The following FAT3 variants were observed in gnomAD, a reference collection of about 807,000 sequenced individuals.
FAT3 encodes the protein FAT atypical cadherin 3.
A neutral mutation model predicts 310.2 loss-of-function variants in FAT3; 95 were observed. The observed-to-expected ratio is 0.31, with a 90% CI of 0.26 to 0.36. The LOEUF (loss-of-function observed/expected upper bound fraction) is 0.36, where lower values mean the gene tolerates loss of function less well. Among genes scored for constraint, FAT3 ranks in the 10% least tolerant of loss-of-function variants. FAT3 has a pLI of 1.00. For missense variants in FAT3, 5,408 were observed against 5,715.6 expected (o/e 0.95, Z 1.74); for synonymous variants, 2,314 against 2,192.9 (o/e 1.06, Z -1.54).
chr11:92,414,904 G>A (rs995483829), intron 2 of FAT3, among the ~76,000 whole-genome samples: 2 of 151,958 alleles, frequency 1.3e-5, no homozygotes, highest in Non-Finnish European at 2.9e-5. Flanking sequence ...CAGCTACTCC[G>A]GAGGCTGAGG....
chr11:92,419,151 G>T (rs1950485071), intron 2 of FAT3, among the ~76,000 whole-genome samples: 3 of 152,188 alleles, frequency 2.0e-5, no homozygotes, highest in Admixed American at 6.5e-5. Flanking sequence ...TCATTTATTA[G>T]TGCTCCTTTG....
chr11:92,483,965 A>G (rs1952304428), intron 2 of FAT3, among the ~76,000 whole-genome samples: 1 of 152,218 alleles, frequency 6.6e-6, no homozygotes, highest in Non-Finnish European at 1.5e-5. Flanking sequence ...ACTAGTTATT[A>G]TGATTGTGGT....
intron 2 of FAT3, among the ~76,000 whole-genome samples, chr11:92,510,858 G>C (rs928647167): frequency 6.6e-6 from 1 of 152,234 alleles, no homozygotes; most frequent in Non-Finnish European, 1.5e-5. Context: ...CAACAACTGT[G>C]TTGTGGGTTT....
chr11:92,583,604 T>C (rs948342460), intron 3 of FAT3, among the ~76,000 whole-genome samples: 2 of 151,902 alleles, frequency 1.3e-5, no homozygotes, highest in Non-Finnish European at 2.9e-5. Context: ...TTGCCAATAG[T>C]TCTCTTGATG....
Position 92,831,849 on chromosome 11 carries a change from G to A in FAT3, c.9709G>A (p.Glu3237Lys). The A allele has an allele frequency of 3.1e-6, 5 of 1,613,714 alleles. No individual in the cohort carries two copies. The highest frequency in any genetic ancestry group is 4.2e-6 in the Non-Finnish European group (5 of 1,179,806). Residue 3237 changes from glutamate to lysine, a missense_variant, in exon 14 of 28, where the codon GAG becomes AAG. Glu to Lys is a moderately conservative substitution (Grantham distance 56). Transcript: ENST00000525166. ...CATTAATGACAACCCCCCTGTGTTT[G>A]AGAGGAGGGACTACCTGGTGACGGT... ...LDINDNPPVF[E>K]RRDYLVTVPE...
At chr11:92,556,290 C>T (rs1955014559) in intron 3 of FAT3, among the ~76,000 whole-genome samples, 1 of 152,142 alleles carries the variant, frequency 6.6e-6, no homozygotes, top group South Asian at 2.1e-4. Context: ...CTACCAGACT[C>T]CTGGATGTTT....
chr11:92,343,262 TG>T (rs1948316537), intron 1 of FAT3, among the ~76,000 whole-genome samples: 1 of 152,118 alleles, frequency 6.6e-6, no homozygotes, highest in Admixed American at 6.5e-5. Flanking sequence ...TGAAAAAGGT[TG>T]GGTTTTGGTC....
At chr11:92,766,582 C>T (rs1946318556) in intron 6 of FAT3, 1 of 152,244 alleles carries the variant, frequency 6.6e-6, no homozygotes, top group African/African-American at 2.4e-5. Context: ...CTACGTGTTT[C>T]ATTTGATGAA....
chr11:92,859,902 CAATAAT>C, intron 21 of FAT3, among the ~76,000 whole-genome samples: 1 of 152,186 alleles, frequency 6.6e-6, no homozygotes, highest in East Asian at 1.9e-4. Flanking sequence ...GTGAAAACAA[CAATAAT>C]AATGGTAATG....
At chr11:92,645,795 T>A (rs1363266657) in intron 3 of FAT3, among the ~76,000 whole-genome samples, 2 of 152,256 alleles carry the variant, frequency 1.3e-5, no homozygotes, top group Non-Finnish European at 2.9e-5. Context: ...TCATGTTCAT[T>A]CTTTGTCTCC....
At chr11:92,736,391 C>A (rs906283044) in intron 4 of FAT3, among the ~76,000 whole-genome samples, 3 of 152,138 alleles carry the variant, frequency 2.0e-5, no homozygotes, top group South Asian at 2.1e-4. Context: ...CCTCAGACCA[C>A]GAACCATGTT....
At chr11:92,575,932 T>G (rs1372884998) in intron 3 of FAT3, among the ~76,000 whole-genome samples, 1 of 152,196 alleles carries the variant, frequency 6.6e-6, no homozygotes, top group African/African-American at 2.4e-5. Flanking sequence ...CCTTTTAAGT[T>G]GTATTCAAAT....
At chr11:92,266,390 G>A (rs934593451) in intron 1 of FAT3, among the ~76,000 whole-genome samples, 4 of 152,258 alleles carry the variant, frequency 2.6e-5, no homozygotes, top group East Asian at 1.9e-4. Flanking sequence ...TGTTTGACAC[G>A]TACAAATCCT....
rs751665932 is a variant in FAT3, at chr11:92,801,012, A to G, written c.7999A>G (p.Asn2667Asp). ...CTGGATGGTCACAAAGGGTAATTTTAACCAGCTGAAAAATACAGTGCTTTC... is the reference window on the plus strand; with the variant it reads ...CTGGATGGTCACAAAGGGTAATTTTGACCAGCTGAAAAATACAGTGCTTTC... ...NGWMVTKGNF[N>D]QLKNTVLSFF... Residue 2667 changes from asparagine (N) to aspartate (D), a missense_variant, in exon 10 of 28, where the codon AAC becomes GAC. Physicochemically the swap from Asn to Asp is conservative, Grantham distance 23. This residue lies in a region of FAT3 where 4,588 missense variants were observed against 4,809.8 expected (regional missense o/e 0.95). Transcript: ENST00000525166. 6.2e-7 allele frequency: 1 copy of G among 1,613,636 alleles called. No individual in the cohort carries two copies. The highest frequency in any genetic ancestry group is 2.2e-5 in the East Asian group (1 of 44,818).
chr11:92,852,049 G>T (rs534482638), intron 19 of FAT3, among the ~76,000 whole-genome samples: 1 of 152,146 alleles, frequency 6.6e-6, no homozygotes, highest in South Asian at 2.1e-4. Flanking sequence ...GATAAAGATT[G>T]TAGGGCTTTG....
At chr11:92,778,110 C>T (rs578171618) in intron 7 of FAT3, among the ~76,000 whole-genome samples, 2 of 152,210 alleles carry the variant, frequency 1.3e-5, no homozygotes, top group African/African-American at 2.4e-5. Flanking sequence ...AAGGCACCCT[C>T]GGTGCACATG....
At chr11:92,526,222 G>A (rs961365529) in intron 3 of FAT3, among the ~76,000 whole-genome samples, 2 of 152,132 alleles carry the variant, frequency 1.3e-5, no homozygotes, top group Admixed American at 6.5e-5. Context: ...ACTTTCCTGG[G>A]AAGCCCTCCT....
chr11:92,318,163 T>C (rs959530297), intron 1 of FAT3, among the ~76,000 whole-genome samples: 2 of 152,116 alleles, frequency 1.3e-5, no homozygotes, highest in Admixed American at 1.3e-4. Flanking sequence ...GACTGAGATA[T>C]AGACAGGTGA....
chr11:92,666,668 C>T (rs1942965144), intron 3 of FAT3, among the ~76,000 whole-genome samples: 1 of 152,010 alleles, frequency 6.6e-6, no homozygotes, highest in African/African-American at 2.4e-5. Context: ...CATTGAAGGA[C>T]ATTTAAGACA....
Sources: allele counts gnomAD v4.1 joint callset (sites outside exome capture counted in the v4.1 genomes callset), GRCh38; gene constraint gnomAD v4.1.1; regional missense constraint gnomAD v4.1.1; transcripts MANE v1.5; gene names NCBI Gene and HGNC (gene_info 2026-07-23, HGNC 2026-07-21).